CHN1: variants seen among roughly 807,000 people sequenced by gnomAD.
CHN1 encodes the protein chimerin 1.
Under a neutral mutation model 59.5 loss-of-function variants are expected in CHN1, and 37 were observed. The ratio of observed to expected loss-of-function variants is 0.62; its 90% CI spans 0.48 to 0.82. The LOEUF is 0.82. CHN1 is among the 40% of genes least tolerant of loss of function. The pLI is 0.00. For synonymous variants in CHN1, 206 were observed against 200.4 expected, an observed-to-expected ratio of 1.03 and a Z score of -0.24; for missense variants, 469 against 571.0, an observed-to-expected ratio of 0.82 and a Z score of 1.82.
intron 2 of CHN1, among the ~76,000 whole-genome samples, chr2:174,948,696 TAAATC>T (rs1236977120): frequency 1.3e-5 from 2 of 152,206 alleles, no homozygotes; most frequent in Non-Finnish European, 1.5e-5. Context: ...GACATTAAAT[TAAATC>T]ATCTTGTTTA....
chr2:174,860,728 T>C (rs1687044652), intron 6 of CHN1, among the ~76,000 whole-genome samples: 1 of 152,234 alleles, frequency 6.6e-6, no homozygotes, highest in Non-Finnish European at 1.5e-5. Context: ...TGTCCCATAA[T>C]CACATTTTCT....
chr2:174,994,462 C>T (rs531189605), intron 1 of CHN1, among the ~76,000 whole-genome samples: 1 of 152,256 alleles, frequency 6.6e-6, no homozygotes, highest in Non-Finnish European at 1.5e-5. Flanking sequence ...AGCTGGTATG[C>T]AGCAGACACT....
intron 1 of CHN1, among the ~76,000 whole-genome samples, chr2:174,996,498 T>C (rs1209172903): frequency 1.3e-5 from 2 of 152,240 alleles, no homozygotes; most frequent in African/African-American, 4.8e-5. Flanking sequence ...TCTCATTTAT[T>C]CCTGCACAGA....
At chr2:174,895,049 GCACA>G (rs751627983) in intron 5 of CHN1, among the ~76,000 whole-genome samples, 6 of 129,272 alleles carry the variant, frequency 4.6e-5, no homozygotes, top group South Asian at 2.3e-4. Context: ...ACACACGCGC[GCACA>G]CACACACACA....
chr2:174,840,609 C>T (rs1179092959), intron 7 of CHN1, among the ~76,000 whole-genome samples: 2 of 152,098 alleles, frequency 1.3e-5, no homozygotes, highest in East Asian at 1.9e-4. Flanking sequence ...GTGGTCTGCA[C>T]ACAACAGCTG....
At chr2:174,934,875 G>A (rs1256999458) in intron 3 of CHN1, among the ~76,000 whole-genome samples, 1 of 152,074 alleles carries the variant, frequency 6.6e-6, no homozygotes, top group Non-Finnish European at 1.5e-5. Flanking sequence ...AATCCCTCTT[G>A]ACTATTCTCA....
chr2:174,978,041 G>A (rs1691008882), intron 1 of CHN1, among the ~76,000 whole-genome samples: 1 of 152,160 alleles, frequency 6.6e-6, no homozygotes, highest in Admixed American at 6.5e-5. Flanking sequence ...ATTTAGAACT[G>A]TTCAAAAAAG....
intron 7 of CHN1, among the ~76,000 whole-genome samples, chr2:174,843,541 G>A (rs1444767886): frequency 6.6e-6 from 1 of 152,054 alleles, no homozygotes; most frequent in Non-Finnish European, 1.5e-5. Flanking sequence ...CTGGCCAAAT[G>A]TAGCTATTCT....
chr2:174,996,439 T>G (rs1335956948), intron 1 of CHN1, among the ~76,000 whole-genome samples: 2 of 152,222 alleles, frequency 1.3e-5, no homozygotes, highest in Non-Finnish European at 2.9e-5. Context: ...GGTGACAATA[T>G]TAGCTACTAT....
At chr2:174,830,232 C>CAA (rs138064942) in intron 7 of CHN1, among the ~76,000 whole-genome samples, 1 of 148,494 alleles carries the variant, frequency 6.7e-6, no homozygotes, top group African/African-American at 2.5e-5. Flanking sequence ...GACTCTGTCT[C>CAA]AAAAAAAAAT....
In CHN1 at chr2:174,888,918, G is replaced by A. The variant is rs190804902; in HGVS notation, c.261-10790C>T. Among the ~76,000 whole-genome samples, 16 of 152,270 alleles carry A rather than the reference G, an allele frequency of 1.1e-4. No individual in the cohort carries two copies. The East Asian group carries it at 1.2e-3, about 11-fold the overall frequency. ...TGCCACAGAGAAGCCAGTGCAGCCC[G>A]GTGTGAATCCACAAAAGGTGGGAGG... On this transcript the variant is annotated intron_variant, in intron 5 of 12. Transcript: ENST00000409900.
At chr2:174,883,910 A>T (rs1374992212) in intron 5 of CHN1, among the ~76,000 whole-genome samples, 4 of 150,018 alleles carry the variant, frequency 2.7e-5, no homozygotes, top group Non-Finnish European at 5.9e-5. Flanking sequence ...ACAAAAAGAT[A>T]AAAAAAAGGA....
Position 174,942,785 on chromosome 2 carries a change from C to T in CHN1, c.114+2103G>A, listed in dbSNP as rs1368835035. On this transcript the variant is annotated intron_variant, in intron 3 of 12. Transcript: ENST00000409900. Reference sequence around the variant, plus strand: ...ACTTAAAAGGCCAGGTGCCCTGGCTCACAACTGTAATCCCAACACTTTAGG... The same window carrying T: ...ACTTAAAAGGCCAGGTGCCCTGGCTTACAACTGTAATCCCAACACTTTAGG... Among the ~76,000 whole-genome samples, 340 of 152,286 alleles carry T rather than the reference C, an allele frequency of 2.2e-3. 2 individuals carry two copies. The highest frequency in any genetic ancestry group is 7.9e-3 in the African/African-American group (330 of 41,560).
intron 1 of CHN1, among the ~76,000 whole-genome samples, chr2:174,993,272 G>A (rs1386703215): frequency 6.6e-6 from 1 of 151,856 alleles, no homozygotes; most frequent in Non-Finnish European, 1.5e-5. Context: ...ATAAATTCCT[G>A]CTTGTTCATG....
At chr2:174,907,930 A>G (rs757765155) in intron 5 of CHN1, among the ~76,000 whole-genome samples, 1 of 152,198 alleles carries the variant, frequency 6.6e-6, no homozygotes, top group South Asian at 2.1e-4. Context: ...TTTCCCAAAC[A>G]TCATGTTTTT....
At chr2:174,995,032 A>C (rs75602157) in intron 1 of CHN1, among the ~76,000 whole-genome samples, 9 of 152,354 alleles carry the variant, frequency 5.9e-5, no homozygotes, top group Non-Finnish European at 1.3e-4. Context: ...AAAACATAAA[A>C]GTAAATGTTT....
chr2:174,916,886 A>G (rs1459788271), intron 4 of CHN1, among the ~76,000 whole-genome samples: 11 of 152,228 alleles, frequency 7.2e-5, no homozygotes, highest in Admixed American at 7.2e-4. Context: ...ATAGTTATCT[A>G]TCTGTTTAAA....
intron 11 of CHN1, among the ~76,000 whole-genome samples, chr2:174,803,905 T>TA (rs1452617862): frequency 6.6e-6 from 1 of 152,102 alleles, no homozygotes. Flanking sequence ...ATCTGGAAAT[T>TA]AAAAAAAGAA....
intron 11 of CHN1, among the ~76,000 whole-genome samples, chr2:174,804,360 T>C (rs141660087): frequency 6.6e-6 from 1 of 152,252 alleles, no homozygotes; most frequent in African/African-American, 2.4e-5. Context: ...GGGCACTCAA[T>C]CATGTCAAGG....
Sources: allele counts gnomAD v4.1 joint callset (sites outside exome capture counted in the v4.1 genomes callset), GRCh38; gene constraint gnomAD v4.1.1; transcripts MANE v1.5; gene names NCBI Gene and HGNC (gene_info 2026-07-23, HGNC 2026-07-21).